The following MEF2C variants were observed in gnomAD, a reference collection of about 807,000 sequenced individuals.
MEF2C encodes the protein myocyte enhancer factor 2C, also known as myocyte-specific enhancer factor 2C.
In MEF2C, 6 loss-of-function variants were observed where a neutral mutation model predicts 50.5. The observed-to-expected ratio is 0.12, with a 90% CI of 0.07 to 0.23. The LOEUF is 0.23. Ranked by LOEUF, MEF2C falls within the 10% of genes least tolerant of loss-of-function variation. The probability of loss-of-function intolerance (pLI) is 1.00; values close to 1 mark genes in which losing one functional copy is unlikely to be tolerated. For missense variants in MEF2C, 276 were observed against 605.0 expected, an observed-to-expected ratio of 0.46 and a Z score of 5.70; for synonymous variants, 183 against 228.0, an observed-to-expected ratio of 0.80 and a Z score of 1.78.
intron 3 of MEF2C, among the ~76,000 whole-genome samples, chr5:88,772,572 T>C (rs1782850640): frequency 6.6e-6 from 1 of 152,232 alleles, no homozygotes; most frequent in Admixed American, 6.5e-5. Flanking sequence ...ATACTGCAAG[T>C]TATTTCTATT....
intron 1 of MEF2C, among the ~76,000 whole-genome samples, chr5:88,855,194 AAG>A: frequency 6.6e-6 from 1 of 152,336 alleles, no homozygotes; most frequent in East Asian, 1.9e-4. Flanking sequence ...TGGGATTTGA[AAG>A]AGTTTTGCTA....
intron 6 of MEF2C, chr5:88,743,187 T>C: frequency 1.1e-6 from 1 of 950,292 alleles, no homozygotes; most frequent in Non-Finnish European, 1.3e-6. Context: ...TTAGTTTTCT[T>C]ATTTGAGGGT....
intron 1 of MEF2C, chr5:88,838,817 T>C: frequency 1.2e-6 from 1 of 830,694 alleles, no homozygotes. Flanking sequence ...TACAGGGAAG[T>C]TTCCACTTCA....
intron 1 of MEF2C, among the ~76,000 whole-genome samples, chr5:88,835,700 C>T (rs952563132): frequency 6.6e-6 from 1 of 151,288 alleles, no homozygotes; most frequent in African/African-American, 2.4e-5. Context: ...GTAATTCCAG[C>T]TGCTCGGGAG....
intron 1 of MEF2C, among the ~76,000 whole-genome samples, chr5:88,836,029 A>T (rs1440122755): frequency 3.9e-5 from 6 of 152,020 alleles, no homozygotes; most frequent in Non-Finnish European, 7.4e-5. Flanking sequence ...TTATAAATAG[A>T]TTTGATTCTC....
chr5:88,744,776 T>C (rs1321570431), intron 6 of MEF2C, among the ~76,000 whole-genome samples: 1 of 152,220 alleles, frequency 6.6e-6, no homozygotes, highest in Non-Finnish European at 1.5e-5. Context: ...CCCTTTGTCT[T>C]CATCTTTGAA....
At chr5:88,896,148 G>A (rs918792349) in intron 1 of MEF2C, among the ~76,000 whole-genome samples, 9 of 152,164 alleles carry the variant, frequency 5.9e-5, no homozygotes, top group African/African-American at 2.4e-5. Context: ...TGTTGGGATT[G>A]GAAGATGAAC....
chr5:88,891,119 T>A (rs1025694336), intron 1 of MEF2C, among the ~76,000 whole-genome samples: 8 of 152,192 alleles, frequency 5.3e-5, no homozygotes, highest in Non-Finnish European at 1.0e-4. Context: ...ACTAAAAATG[T>A]ATTATTGGTA....
At chr5:88,745,451 G>A (rs1407525646) in intron 6 of MEF2C, among the ~76,000 whole-genome samples, 1 of 152,208 alleles carries the variant, frequency 6.6e-6, no homozygotes, top group Non-Finnish European at 1.5e-5. Flanking sequence ...AGGCATGCTA[G>A]GATTGCATAG....
rs1484760956 is a variant in MEF2C, at chr5:88,720,326, T to G, written c.*2278A>C. 1 of 130,332 alleles carries G rather than the reference T, an allele frequency of 7.7e-6. No individual in the cohort carries two copies. Among genetic ancestry groups the G allele is most frequent in the Non-Finnish European group, 1.7e-5 (1 of 59,848 alleles). 8.1% of individuals were successfully genotyped at this position (130,332 alleles called of 1,614,324 possible). On this transcript the variant is annotated 3_prime_UTR_variant, in exon 11 of 11. Transcript: ENST00000504921. ...CTTGAGTAGTGGGATATATATGAAA[T>G]GGTTGATAGATTTTTTTTTTTTAAT... is the stretch of plus-strand genomic sequence containing the variant.
intron 1 of MEF2C, among the ~76,000 whole-genome samples, chr5:88,841,400 A>C (rs1474823836): frequency 6.6e-6 from 1 of 151,968 alleles, no homozygotes; most frequent in Non-Finnish European, 1.5e-5. Flanking sequence ...CCAGCTACTC[A>C]GGAAGCTGAG....
intron 3 of MEF2C, among the ~76,000 whole-genome samples, chr5:88,766,118 T>C (rs1779921437): frequency 6.6e-6 from 1 of 152,210 alleles, no homozygotes; most frequent in Admixed American, 6.5e-5. Context: ...CTCCCAGACA[T>C]GTGGACATAT....
chr5:88,838,075 A>G (rs1390354069), intron 1 of MEF2C, among the ~76,000 whole-genome samples: 2 of 152,210 alleles, frequency 1.3e-5, no homozygotes, highest in Non-Finnish European at 2.9e-5. Context: ...TTGGATCAAT[A>G]TATCAATCCA....
chr5:88,892,334 T>C (rs1054459415), intron 1 of MEF2C: 1 of 152,234 alleles, frequency 6.6e-6, no homozygotes, highest in African/African-American at 2.4e-5. Flanking sequence ...TTTCCTCATT[T>C]GTAAAATGTG....
At chr5:88,747,337 T>TAATGACTTTCAGAACCACTACTAGCTG (rs1561795206) in intron 6 of MEF2C, among the ~76,000 whole-genome samples, 3 of 27,676 alleles carry the variant, frequency 1.1e-4, no homozygotes, top group African/African-American at 2.3e-4. Flanking sequence ...TTACTACTTT[T>TAATGACTTTCAGAACCACTACTAGCTG]TTTTTTTTTT....
At chr5:88,731,466 A>G (rs1761562941) in intron 7 of MEF2C, 1 of 343,694 alleles carries the variant, frequency 2.9e-6, no homozygotes, top group Non-Finnish European at 5.3e-6. Context: ...TGAAAGCCTT[A>G]AAAGAAAATG....
intron 3 of MEF2C, among the ~76,000 whole-genome samples, chr5:88,803,609 AT>A (rs1037098045): frequency 1.6e-4 from 25 of 152,328 alleles, no homozygotes; most frequent in African/African-American, 6.0e-4. Flanking sequence ...AGACAAATAG[AT>A]TAAGAAAATA....
rs1761808498 is a variant in MEF2C, at chr5:88,731,853, G to A, written c.686C>T (p.Pro229Leu). 6.2e-7 allele frequency: 1 copy of A among 1,613,098 alleles called. No homozygotes were observed. The highest frequency in any genetic ancestry group is 8.5e-7 in the Non-Finnish European group (1 of 1,179,494). ...PRNSPGLLVSPGNLNKNMQAK... is the reference protein window; with the variant it reads ...PRNSPGLLVSLGNLNKNMQAK... ...TTGCATATTCTTGTTCAAGTTACCAGGTGAGACCAGCAGACCTGGTGAGTT... is the reference window on the plus strand; with the variant it reads ...TTGCATATTCTTGTTCAAGTTACCAAGTGAGACCAGCAGACCTGGTGAGTT... Residue 229 changes from proline to leucine, a missense_variant, in exon 7 of 11, where the codon CCT (proline) becomes CTT (leucine). By Grantham distance (98) the Pro-to-Leu change is moderately conservative. Coordinates refer to ENST00000504921, the MANE Select transcript of MEF2C (RefSeq NM_002397.5).
intron 4 of MEF2C, among the ~76,000 whole-genome samples, chr5:88,754,995 G>A (rs570747843): frequency 6.6e-6 from 1 of 152,160 alleles, no homozygotes; most frequent in African/African-American, 2.4e-5. Flanking sequence ...GGAAGCCCAC[G>A]CTGACCACCC....
Sources: allele counts gnomAD v4.1 joint callset (sites outside exome capture counted in the v4.1 genomes callset), GRCh38; gene constraint gnomAD v4.1.1; transcripts MANE v1.5; gene names NCBI Gene and HGNC (gene_info 2026-07-23, HGNC 2026-07-21).